The following ARHGAP15 variants were observed in gnomAD, a reference collection of about 807,000 sequenced individuals.
ARHGAP15 encodes Rho GTPase activating protein 15, also known as rho GTPase-activating protein 15.
Under a neutral mutation model 63.7 loss-of-function variants are expected in ARHGAP15, and 51 were observed. The observed-to-expected ratio is 0.80, with a 90% confidence interval of 0.64 to 1.01. ARHGAP15 has a LOEUF of 1.01. Among genes scored for constraint, ARHGAP15 ranks in the 50% least tolerant of loss-of-function variants. The pLI, the probability that ARHGAP15 is intolerant of heterozygous loss-of-function variation, is 0.00. For synonymous variants in ARHGAP15, 191 were observed against 193.8 expected (o/e 0.99, Z 0.12); for missense variants, 560 against 564.6 (o/e 0.99, Z 0.08).
At chr2:143,517,067 G>C (rs1160630333) in intron 9 of ARHGAP15, among the ~76,000 whole-genome samples, 1 of 152,126 alleles carries the variant, frequency 6.6e-6, no homozygotes, top group Non-Finnish European at 1.5e-5. Context: ...TCCTGCCTCA[G>C]CCTCCTGAGT....
At chr2:143,391,267 G>A (rs1687528121) in intron 6 of ARHGAP15, among the ~76,000 whole-genome samples, 1 of 152,138 alleles carries the variant, frequency 6.6e-6, no homozygotes, top group East Asian at 1.9e-4. Context: ...CTGAGGAAAG[G>A]ATTTAAGGCT....
At chr2:143,244,130 AT>A (rs1286642679) in intron 5 of ARHGAP15, among the ~76,000 whole-genome samples, 6 of 152,172 alleles carry the variant, frequency 3.9e-5, no homozygotes, top group Non-Finnish European at 8.8e-5. Context: ...CAATCCAGAT[AT>A]TTTTCATTGT....
intron 6 of ARHGAP15, among the ~76,000 whole-genome samples, chr2:143,257,850 A>G (rs1037970275): frequency 6.6e-6 from 1 of 152,162 alleles, no homozygotes; most frequent in Admixed American, 6.6e-5. Flanking sequence ...CAACAAGTGT[A>G]TGGTTTTTCT....
intron 6 of ARHGAP15, among the ~76,000 whole-genome samples, chr2:143,327,496 A>C (rs1023731333): frequency 4.6e-5 from 7 of 152,208 alleles, no homozygotes; most frequent in African/African-American, 1.7e-4. Flanking sequence ...ACTTCAAACT[A>C]TACTACAAGG....
chr2:143,524,844 T>A (rs1027652332), intron 10 of ARHGAP15, among the ~76,000 whole-genome samples: 2 of 152,220 alleles, frequency 1.3e-5, no homozygotes, highest in African/African-American at 4.8e-5. Context: ...TGCATTTGCA[T>A]ATGCACATGA....
intron 13 of ARHGAP15, among the ~76,000 whole-genome samples, chr2:143,752,081 TTC>T (rs1011186697): frequency 4.6e-5 from 7 of 152,308 alleles, no homozygotes; most frequent in African/African-American, 9.6e-5. Context: ...CATCTCATAA[TTC>T]TCTGAGTCGG....
At chr2:143,403,876 A>G (rs1225171447) in intron 6 of ARHGAP15, among the ~76,000 whole-genome samples, 1 of 151,780 alleles carries the variant, frequency 6.6e-6, no homozygotes, top group Non-Finnish European at 1.5e-5. Context: ...ACCAGAGACA[A>G]CTATCCATGC....
At chr2:143,423,357 AT>A (rs5834947) in intron 6 of ARHGAP15, among the ~76,000 whole-genome samples, 135,292 of 152,120 alleles carry the variant, frequency 0.89, 60,529 homozygotes, top group Middle Eastern at 0.97. Flanking sequence ...TCTACATTTC[AT>A]AAGCCTTTCA....
intron 6 of ARHGAP15, among the ~76,000 whole-genome samples, chr2:143,289,650 T>G (rs1184756201): frequency 6.6e-6 from 1 of 152,160 alleles, no homozygotes; most frequent in Non-Finnish European, 1.5e-5. Context: ...ATATGCAGCA[T>G]CTGTAGGGTC....
At position 143,486,233 on chromosome 2, in the gene ARHGAP15, T is replaced by C. The variant is rs116505008; in HGVS notation, c.704-1140T>C. On this transcript the variant is annotated intron_variant, in intron 8 of 13. Transcript: ENST00000295095. The stretch of plus-strand genomic sequence containing the variant: ...CAGTGGAGCGTTCAGTTAAGATATA[T>C]ATCTTGTCTACAGACACAACAAATT... Among the ~76,000 whole-genome samples the C allele has an allele frequency of 7.4e-3, 1,130 of 152,178 alleles. 11 individuals are homozygous for C. The highest frequency in any genetic ancestry group is 0.026 in the African/African-American group (1,079 of 41,508).
intron 6 of ARHGAP15, among the ~76,000 whole-genome samples, chr2:143,422,003 G>A (rs1408156068): frequency 6.6e-6 from 1 of 152,000 alleles, no homozygotes; most frequent in Non-Finnish European, 1.5e-5. Context: ...TATACCTCCA[G>A]GACAGTGGCT....
intron 6 of ARHGAP15, among the ~76,000 whole-genome samples, chr2:143,318,136 C>CT (rs965205072): frequency 6.6e-6 from 1 of 151,676 alleles, no homozygotes; most frequent in African/African-American, 2.4e-5. Context: ...GTAGCTGGGA[C>CT]TACAGGCACG....
At chr2:143,192,425 C>G (rs142520556) in intron 2 of ARHGAP15, among the ~76,000 whole-genome samples, 228 of 152,358 alleles carry the variant, frequency 1.5e-3, no homozygotes, top group African/African-American at 5.4e-3. Context: ...AATAAACACA[C>G]AAGGAAAGCA....
chr2:143,209,909 C>G (rs775168894), intron 3 of ARHGAP15, among the ~76,000 whole-genome samples: 1 of 152,148 alleles, frequency 6.6e-6, no homozygotes, highest in African/African-American at 2.4e-5. Context: ...GACAATACCT[C>G]TCCCATCCAG....
chr2:143,740,056 C>T (rs1348440257), intron 13 of ARHGAP15, among the ~76,000 whole-genome samples: 1 of 151,856 alleles, frequency 6.6e-6, no homozygotes, highest in Non-Finnish European at 1.5e-5. Context: ...TTTTTTCTAG[C>T]TGTGTTTGAG....
chr2:143,565,767 T>C (rs550893218), intron 11 of ARHGAP15, among the ~76,000 whole-genome samples: 2 of 152,326 alleles, frequency 1.3e-5, no homozygotes, highest in Admixed American at 1.3e-4. Context: ...TTGGAAATAG[T>C]GGTATAACTT....
intron 6 of ARHGAP15, among the ~76,000 whole-genome samples, chr2:143,379,926 A>G (rs1686991556): frequency 6.6e-6 from 1 of 152,066 alleles, no homozygotes; most frequent in Non-Finnish European, 1.5e-5. Flanking sequence ...CAATCCTCAA[A>G]ATTTGCAGTG....
At chr2:143,152,677 A>G (rs1689872044) in intron 1 of ARHGAP15, among the ~76,000 whole-genome samples, 1 of 152,014 alleles carries the variant, frequency 6.6e-6, no homozygotes. Flanking sequence ...CCAGAGCAAT[A>G]TAGTGGTCTG....
chr2:143,446,079 T>C (rs563612075), intron 8 of ARHGAP15, among the ~76,000 whole-genome samples: 10 of 151,006 alleles, frequency 6.6e-5, no homozygotes, highest in Non-Finnish European at 1.0e-4. Flanking sequence ...CTCCAAGATA[T>C]ACAGCCATAT....
Sources: allele counts gnomAD v4.1 joint callset (sites outside exome capture counted in the v4.1 genomes callset), GRCh38; gene constraint gnomAD v4.1.1; transcripts MANE v1.5; gene names NCBI Gene and HGNC (gene_info 2026-07-23, HGNC 2026-07-21).